BET1L: variants seen among roughly 807,000 people sequenced by gnomAD.
BET1L encodes BET1-like protein.
In BET1L, 13 loss-of-function variants were observed where a neutral mutation model predicts 12.6. The ratio of observed to expected loss-of-function variants is 1.03; its 90% CI spans 0.67 to 1.64. The LOEUF (loss-of-function observed/expected upper bound fraction) is 1.64, where lower values mean the gene tolerates loss of function less well. Among genes scored for constraint, BET1L ranks in the 40% most tolerant of loss-of-function variants. The pLI is 0.00. For missense variants in BET1L, 154 were observed against 150.7 expected (o/e 1.02, Z -0.11); for synonymous variants, 60 against 56.9 (o/e 1.05, Z -0.25).
chr11:207,255 G>A (rs756976927), intron 1 of BET1L, 48 bp downstream of exon 1: 1 of 881,716 alleles, frequency 1.1e-6, no homozygotes, highest in South Asian at 2.0e-5. Context: ...CAGCGGCGTC[G>A]GTTTCGGCCC....
chr11:204,235 G>T lies in BET1L; in HGVS notation c.*1067C>A, dbSNP rs1855102388. 1 of 152,326 alleles carries T rather than the reference G, an allele frequency of 6.6e-6. No homozygotes were observed. Among genetic ancestry groups the T allele is most frequent in the Admixed American group, 6.5e-5 (1 of 15,284 alleles). 9.4% of individuals were successfully genotyped at this position (152,326 alleles called of 1,614,324 possible). A position where few individuals can be genotyped will look rare whatever the true frequency, so the allele number is the denominator to read the frequency against. On this transcript the variant is annotated 3_prime_UTR_variant, in exon 4 of 4. Coordinates refer to ENST00000382762, the MANE Select transcript of BET1L (RefSeq NM_001098787.2). ...GGACCTCATCTTGAGGTGGGAAGAA[G>T]TCGTTGCCCTGCCAGTCCAGTGGTT... is the stretch of plus-strand genomic sequence containing the variant.
rs1300694307 is a variant in BET1L at position 205,440 on chromosome 11, C to T, written c.198G>A (p.Leu66=). The change falls in exon 4 of 4, where the codon CTG becomes CTA. Residue 66 remains leucine (L), a synonymous_variant. Coordinates refer to ENST00000382762, the MANE Select transcript of BET1L (RefSeq NM_001098787.2). ...MDSDFTSMTS[L]LTGSVKRFST... Reference sequence around the variant, plus strand: ...AAAAGCGCTTCACGCTCCCTGTAAGCAGGCTGGTCATGCTTGTGAAATCCG... The same window carrying T: ...AAAAGCGCTTCACGCTCCCTGTAAGTAGGCTGGTCATGCTTGTGAAATCCG... 1.2e-6 allele frequency: 2 copies of T among 1,614,230 alleles called. No homozygotes were observed. Among genetic ancestry groups the T allele is most frequent in the Non-Finnish European group, 1.7e-6 (2 of 1,180,050 alleles).
In BET1L at chr11:207,382, G is replaced by C. The variant is rs1474148353; in HGVS notation, c.-61C>G. ...CGCGGCCACAGCCGCCTCAGACGTG[G>C]CGCAGTCGCGGGGAAAGAGCTTCCG... is the stretch of plus-strand genomic sequence containing the variant. On this transcript the variant is annotated 5_prime_UTR_variant, in exon 1 of 4. Transcript: ENST00000382762. The C allele has an allele frequency of 4.7e-6, 7 of 1,494,628 alleles. No individual in the cohort carries two copies. The highest frequency in any genetic ancestry group is 6.2e-6 in the Non-Finnish European group (7 of 1,126,350). 92.6% of individuals were successfully genotyped at this position (1,494,628 alleles called of 1,614,324 possible).
At chr11:205,812 G>A (rs1323392566) in intron 2 of BET1L, 140 bp downstream of exon 2, 1 of 1,439,002 alleles carries the variant, frequency 6.9e-7, no homozygotes, top group Non-Finnish European at 9.5e-7. Context: ...GTGTCAGCTG[G>A]GGCCTCATGC....
In BET1L at chr11:207,317, G is replaced by A; in HGVS notation, c.5C>T (p.Ala2Val). The change falls in exon 1 of 4, where the codon GCG becomes GTG. Residue 2 changes from alanine (A) to valine (V), a missense_variant. Physicochemically the swap from Ala to Val is moderately conservative, Grantham distance 64 (BLOSUM62 0). Transcript: ENST00000382762. ...CCCGCGCTCACCCCGAGCCCAGTCC[G>A]CCATCGTGCCCTGCCCCGGCTCCTC... M[A>V]DWARAQSPGA... The A allele has an allele frequency of 1.3e-6, 2 of 1,545,450 alleles. No individual in the cohort carries two copies. Among genetic ancestry groups the A allele is most frequent in the Non-Finnish European group, 1.7e-6 (2 of 1,154,160 alleles).
At position 205,995 on chromosome 11, in the gene BET1L, C is replaced by T. The variant is rs748038262; in HGVS notation, c.68G>A (p.Arg23Gln). 9.9e-6 allele frequency: 16 copies of T among 1,613,970 alleles called. No homozygotes were observed. The East Asian group carries it at 1.6e-4, about 16-fold the overall frequency. Residue 23 changes from arginine (R) to glutamine (Q), a missense_variant, in exon 2 of 4, where the codon CGA becomes CAA. Physicochemically the swap from Arg to Gln is conservative, Grantham distance 43. Transcript: ENST00000382762. ...VEEILDRENKRMADSLASKVT... is the reference protein window; with the variant it reads ...VEEILDRENKQMADSLASKVT... ...TTTGGAGGCCAGGCTGTCAGCCATT[C>T]GCTTGTTCTCCCGGTCTAGAATCTC... is the stretch of plus-strand genomic sequence containing the variant.
At chr11:206,553 C>A (rs932121495) in intron 1 of BET1L, among the ~76,000 whole-genome samples, 2 of 152,244 alleles carry the variant, frequency 1.3e-5, no homozygotes, top group African/African-American at 4.8e-5. Context: ...AGGCCCTTTA[C>A]CGCACAGAAA....
rs1292053131 is a variant in BET1L, at chr11:205,253, G to A, written c.*49C>T. 1 of 1,579,730 alleles carries A rather than the reference G, an allele frequency of 6.3e-7. No homozygotes were observed. The highest frequency in any genetic ancestry group is 1.2e-5 in the South Asian group (1 of 86,630). On this transcript the variant is annotated 3_prime_UTR_variant, in exon 4 of 4. Transcript: ENST00000382762. ...CTCTGGAGCCCAAAACACCAGGCAGGGAAGACCCTGGCTGCCCTTGGCACC... is the reference window on the plus strand; with the variant it reads ...CTCTGGAGCCCAAAACACCAGGCAGAGAAGACCCTGGCTGCCCTTGGCACC...
rs766180065 is a variant in BET1L, at chr11:206,007, C to T, written c.56G>A (p.Arg19Gln). 6.8e-6 allele frequency: 11 copies of T among 1,613,908 alleles called. No homozygotes were observed. Among genetic ancestry groups the T allele is most frequent in the South Asian group, 4.4e-5 (4 of 91,094 alleles). The change falls in exon 2 of 4, where the codon CGG becomes CAG. Residue 19 changes from arginine to glutamine, a missense_variant. Transcript: ENST00000382762. ...SPGAVEEILDRENKRMADSLA... is the reference protein window; with the variant it reads ...SPGAVEEILDQENKRMADSLA... ...GCTGTCAGCCATTCGCTTGTTCTCC[C>T]GGTCTAGAATCTCTTCCACAGCGCC...
chr11:206,142 G>T, intron 1 of BET1L, 99 bp from the exon 2 acceptor site: 1 of 1,037,106 alleles, frequency 9.6e-7, no homozygotes, highest in Non-Finnish European at 1.5e-6. Context: ...AAATCTAGGG[G>T]GCCCTAACCA....
intron 1 of BET1L, 98 bp from the exon 2 acceptor site, chr11:206,141 G>C: frequency 1.9e-6 from 2 of 1,051,442 alleles, no homozygotes; most frequent in South Asian, 1.3e-5. Context: ...GAAATCTAGG[G>C]GGCCCTAACC....
Position 203,774 on chromosome 11 carries a change from G to A in BET1L, c.*1528C>T, listed in dbSNP as rs61996346. The A allele has an allele frequency of 0.013, 2,037 of 153,316 alleles. 46 individuals are homozygous for A. Among genetic ancestry groups the A allele is most frequent in the African/African-American group, 0.046 (1,928 of 41,576 alleles). The allele number at this position is 153,316 out of a possible 1,614,324, so 9.5% of individuals were successfully genotyped here. A position where few individuals can be genotyped will look rare whatever the true frequency, so the allele number is the denominator to read the frequency against. On this transcript the variant is annotated 3_prime_UTR_variant, in exon 4 of 4. Coordinates refer to ENST00000382762, the MANE Select transcript of BET1L (RefSeq NM_001098787.2). ...AACAGCAAAGCCCCAGAGACATGGA[G>A]GCAGATGAGTCAACCTTGCTGGGTG...
intron 2 of BET1L, 102 bp downstream of exon 2, chr11:205,850 G>T: frequency 1.4e-6 from 2 of 1,475,100 alleles, no homozygotes; most frequent in Non-Finnish European, 9.4e-7. Context: ...AATTGGATGA[G>T]GATGGAAAAC....
chr11:206,601 G>A (rs181066608), intron 1 of BET1L, among the ~76,000 whole-genome samples: 78 of 152,326 alleles, frequency 5.1e-4, no homozygotes, highest in South Asian at 2.9e-3. Context: ...CGAGACGGGA[G>A]CTGAGGTCGA....
chr11:204,944 G>A lies in BET1L; in HGVS notation c.*358C>T, dbSNP rs1855114856. On this transcript the variant is annotated 3_prime_UTR_variant, in exon 4 of 4. Coordinates refer to ENST00000382762, the MANE Select transcript of BET1L (RefSeq NM_001098787.2). ...TAAGATGTCAGAGTCCCAAGCGCGG[G>A]GAGAAGGGCTGCAAGCCACAGGTGG... 3.5e-6 allele frequency: 1 copy of A among 286,002 alleles called. No individual in the cohort carries two copies. Among genetic ancestry groups the A allele is most frequent in the African/African-American group, 2.2e-5 (1 of 45,906 alleles). The allele number at this position is 286,002 out of a possible 1,614,324, so 17.7% of individuals were successfully genotyped here.
rs1047807466 is a variant in BET1L, at chr11:204,451, C to A, written c.*851G>T. On this transcript the variant is annotated 3_prime_UTR_variant, in exon 4 of 4. Coordinates refer to ENST00000382762, the MANE Select transcript of BET1L (RefSeq NM_001098787.2). ...CAACAACTGATAGCCCTCACAGGAA[C>A]CTTCTTGTGTAGACCCACAGAAGCT... is the stretch of plus-strand genomic sequence containing the variant. 2 of 152,242 alleles carry A rather than the reference C, an allele frequency of 1.3e-5. No homozygotes were observed. Among genetic ancestry groups the A allele is most frequent in the Admixed American group, 1.3e-4 (2 of 15,286 alleles). The allele number at this position is 152,242 out of a possible 1,614,324, so 9.4% of individuals were successfully genotyped here.
At position 205,234 on chromosome 11, in the gene BET1L, A is replaced by C; in HGVS notation, c.*68T>G. 6.5e-7 allele frequency: 1 copy of C among 1,528,720 alleles called. No individual in the cohort carries two copies. Among genetic ancestry groups the C allele is most frequent in the South Asian group, 1.3e-5 (1 of 79,912 alleles). The allele number at this position is 1,528,720 out of a possible 1,614,324, so 94.7% of individuals were successfully genotyped here. Reference sequence around the variant, plus strand: ...AGTATTTTGTAGGTAAGTCCTCTGGAGCCCAAAACACCAGGCAGGGAAGAC... The same window carrying C: ...AGTATTTTGTAGGTAAGTCCTCTGGCGCCCAAAACACCAGGCAGGGAAGAC... On this transcript the variant is annotated 3_prime_UTR_variant, in exon 4 of 4. Coordinates refer to ENST00000382762, the MANE Select transcript of BET1L (RefSeq NM_001098787.2).
At position 204,982 on chromosome 11, in the gene BET1L, T is replaced by G; in HGVS notation, c.*320A>C. On this transcript the variant is annotated 3_prime_UTR_variant, in exon 4 of 4. Coordinates refer to ENST00000382762, the MANE Select transcript of BET1L (RefSeq NM_001098787.2). ...AAGCCACAGGTGGCCACGTCTGGGA[T>G]TCACCAGCTGCTCTGCTCAGACCTG... is the stretch of plus-strand genomic sequence containing the variant. 3.1e-6 allele frequency: 1 copy of G among 324,860 alleles called. No homozygotes were observed. 20.1% of individuals were successfully genotyped at this position (324,860 alleles called of 1,614,324 possible). A position where few individuals can be genotyped will look rare whatever the true frequency, so the allele number is the denominator to read the frequency against.
At position 203,313 on chromosome 11, in the gene BET1L, C is replaced by G. The variant is rs546276004; in HGVS notation, c.*1989G>C. The G allele has an allele frequency of 6.6e-6, 1 of 152,358 alleles. No individual in the cohort carries two copies. The highest frequency in any genetic ancestry group is 2.4e-5 in the African/African-American group (1 of 41,546). The allele number at this position is 152,358 out of a possible 1,614,324, so 9.4% of individuals were successfully genotyped here. On this transcript the variant is annotated 3_prime_UTR_variant, in exon 4 of 4. Coordinates refer to ENST00000382762, the MANE Select transcript of BET1L (RefSeq NM_001098787.2). Reference sequence around the variant, plus strand: ...AGTACCTGGGAGAGCTGCAAACAGCCATGGAGATAAGAGAGGCGGGGAGGG... The same window carrying G: ...AGTACCTGGGAGAGCTGCAAACAGCGATGGAGATAAGAGAGGCGGGGAGGG...
Sources: gnomAD v4.1 joint callset for allele counts (sites outside exome capture counted in the v4.1 genomes callset) on GRCh38, gnomAD v4.1.1 for gene constraint, MANE v1.5 for transcripts, NCBI Gene and HGNC (gene_info 2026-07-23, HGNC 2026-07-21) for gene names.